GAK: variants seen among roughly 807,000 people sequenced by gnomAD.
GAK encodes the protein cyclin-G-associated kinase.
In GAK, 79 loss-of-function variants were observed where a neutral mutation model predicts 143.9. That is an observed-to-expected ratio of 0.55 (90% CI 0.46 to 0.66). The LOEUF is 0.66. Ranked by LOEUF, GAK falls within the 30% of genes least tolerant of loss-of-function variation. The pLI, the probability that GAK is intolerant of heterozygous loss-of-function variation, is 0.00. For missense variants in GAK, 1,693 were observed against 1,779.7 expected, an observed-to-expected ratio of 0.95 and a Z score of 0.88; for synonymous variants, 881 against 765.5, an observed-to-expected ratio of 1.15 and a Z score of -2.49.
chr4:888,112 A>C (rs1293080291), intron 11 of GAK: 1 of 152,296 alleles, frequency 6.6e-6, no homozygotes, highest in African/African-American at 2.4e-5. Flanking sequence ...AGGTGTCGCC[A>C]GCTGTGGAAG....
chr4:858,188 C>T (rs567583969), intron 24 of GAK, among the ~76,000 whole-genome samples: 3 of 152,344 alleles, frequency 2.0e-5, no homozygotes, highest in Admixed American at 6.5e-5. Flanking sequence ...GCGCCTCTGC[C>T]CTTCTACATC....
chr4:920,539 A>ATTTTTTTTTTT lies in GAK; in HGVS notation c.146-6882_146-6872dup, dbSNP rs34176109. On this transcript the variant is annotated intron_variant, in intron 1 of 27. Coordinates refer to ENST00000314167, the MANE Select transcript of GAK (RefSeq NM_005255.4). ...AAAATTGTGAAAAAGGTTTAGAGCC[A>ATTTTTTTTTTT]TTTTTTTTTTTTTTTTTTTTTTGAG... Among the ~76,000 whole-genome samples the ATTTTTTTTTTT allele has an allele frequency of 1.5e-4, 19 of 129,588 alleles. 1 individual carries two copies. The highest frequency in any genetic ancestry group is 3.0e-4 in the African/African-American group (10 of 33,282). The allele number at this position is 129,588 out of a possible 152,430, so 85.0% of individuals were successfully genotyped here.
At chr4:909,667 G>A (rs1241622989) in intron 4 of GAK, among the ~76,000 whole-genome samples, 8 of 152,216 alleles carry the variant, frequency 5.3e-5, no homozygotes, top group African/African-American at 1.2e-4. Flanking sequence ...ATAGAGTTAT[G>A]AGGCTTTCTG....
chr4:883,476 G>A lies in GAK; in HGVS notation c.1256-13C>T. On this transcript the variant is annotated splice_polypyrimidine_tract_variant and intron_variant, in intron 12 of 27. Coordinates refer to ENST00000314167, the MANE Select transcript of GAK (RefSeq NM_005255.4). ...GGGAATGACATCACTGAAACAAGCA[G>A]ACCTGCGTCAGCACCTGGGAGATGC... is the stretch of plus-strand genomic sequence containing the variant. 6.2e-7 allele frequency: 1 copy of A among 1,612,836 alleles called. No homozygotes were observed. Among genetic ancestry groups the A allele is most frequent in the Non-Finnish European group, 8.5e-7 (1 of 1,179,848 alleles).
rs540977696 is a variant in GAK, at chr4:865,255, G to A, written c.3044-11C>T. On this transcript the variant is annotated splice_polypyrimidine_tract_variant and intron_variant, in intron 22 of 27. Coordinates refer to ENST00000314167, the MANE Select transcript of GAK (RefSeq NM_005255.4). ...CTCCTGGCAGATCCCCTGGGAAGAA[G>A]GAACCAGAAGAGAGCACAGTTTGGT... is the stretch of plus-strand genomic sequence containing the variant. 5.6e-6 allele frequency: 9 copies of A among 1,613,056 alleles called. No individual in the cohort carries two copies. The African/African-American group carries it at 1.1e-4, about 19-fold the overall frequency.
In GAK at chr4:930,454, C is replaced by T. The variant is rs138086621; in HGVS notation, c.145+1589G>A. On this transcript the variant is annotated intron_variant, in intron 1 of 27. Transcript: ENST00000314167. ...CTTTCTTTATACGAATCTTCCTCTC[C>T]GGGCCCCAGTGAGGGTGCATTCTCC... Among the ~76,000 whole-genome samples the T allele has an allele frequency of 3.7e-3, 566 of 151,210 alleles. 3 individuals carry two copies. Among genetic ancestry groups the T allele is most frequent in the Non-Finnish European group, 6.8e-3 (460 of 67,808 alleles).
At chr4:850,117 C>A (rs1747854500) in intron 26 of GAK, 49 bp from the exon 27 acceptor site, 1 of 1,492,842 alleles carries the variant, frequency 6.7e-7, no homozygotes, top group Non-Finnish European at 9.0e-7. Flanking sequence ...GCCTGCCCTC[C>A]TCCTCTGCAC....
Position 887,530 on chromosome 4 carries a change from CGT to C in GAK, c.1205+1315_1205+1316del, listed in dbSNP as rs1410962510. The C allele has an allele frequency of 5.3e-5, 8 of 150,356 alleles. No homozygotes were observed. In the South Asian group the frequency reaches 8.4e-4, roughly 16 times the overall value. 9.3% of individuals were successfully genotyped at this position (150,356 alleles called of 1,614,324 possible). On this transcript the variant is annotated intron_variant, in intron 11 of 27. Coordinates refer to ENST00000314167, the MANE Select transcript of GAK (RefSeq NM_005255.4). ...CATGTGGCTCACACACACTTGCATG[CGT>C]GTGTACACATGCACGCAGCTCACGC...
chr4:904,800 C>T (rs1463673109), intron 4 of GAK, 21 bp from the exon 5 acceptor site: 2 of 1,611,586 alleles, frequency 1.2e-6, no homozygotes, highest in Admixed American at 3.4e-5. Flanking sequence ...ATGAAACTCA[C>T]ATGGAGGCAG....
At chr4:856,612 C>T (rs1485156660) in intron 24 of GAK, among the ~76,000 whole-genome samples, 1 of 151,088 alleles carries the variant, frequency 6.6e-6, no homozygotes, top group Non-Finnish European at 1.5e-5. Flanking sequence ...CTGCTCACCA[C>T]AGGTGCTCAC....
chr4:882,624 G>C (rs1373315381), intron 14 of GAK, 73 bp downstream of exon 14: 12 of 1,564,518 alleles, frequency 7.7e-6, no homozygotes, highest in Admixed American at 1.7e-5. Flanking sequence ...CTGGCGCTCA[G>C]ATCCTGTTGA....
chr4:862,408 C>A (rs1260964882), intron 23 of GAK, among the ~76,000 whole-genome samples: 1 of 152,228 alleles, frequency 6.6e-6, no homozygotes, highest in Non-Finnish European at 1.5e-5. Flanking sequence ...CGCCTGTAAT[C>A]CCAGCACTTT....
chr4:889,709 C>T (rs901935380), intron 10 of GAK, among the ~76,000 whole-genome samples: 4 of 152,330 alleles, frequency 2.6e-5, no homozygotes, highest in East Asian at 1.9e-4. Context: ...AGTGGGGATG[C>T]GGGGCGAGGT....
rs1430844353 is a variant in GAK, at chr4:868,824, A to G, written c.2249-139T>C. ...GCCATCGGTAAAGCAGACCAATGAC[A>G]TGACGGGGAGGGGCTCTCTGAACAG... On this transcript the variant is annotated intron_variant, in intron 19 of 27. Coordinates refer to ENST00000314167, the MANE Select transcript of GAK (RefSeq NM_005255.4). The G allele has an allele frequency of 2.9e-5, 24 of 815,084 alleles. No individual in the cohort carries two copies. The East Asian group carries it at 5.1e-4, about 17-fold the overall frequency. The allele number at this position is 815,084 out of a possible 1,614,324, so 50.5% of individuals were successfully genotyped here.
intron 4 of GAK, 125 bp from the exon 5 acceptor site, chr4:904,904 G>T (rs1202035020): frequency 2.9e-5 from 26 of 888,528 alleles, no homozygotes; most frequent in East Asian, 5.7e-5. Context: ...CCACACCTAA[G>T]TAACAAAACG....
At chr4:901,751 C>T (rs1187079211) in intron 5 of GAK, among the ~76,000 whole-genome samples, 1 of 152,234 alleles carries the variant, frequency 6.6e-6, no homozygotes, top group Non-Finnish European at 1.5e-5. Flanking sequence ...GTCCCCTTGG[C>T]CTGGGCAGTG....
At chr4:921,208 TTCTCCTGCCTCAG>T (rs879291952) in intron 1 of GAK, among the ~76,000 whole-genome samples, 1 of 152,194 alleles carries the variant, frequency 6.6e-6, no homozygotes, top group Admixed American at 6.5e-5. Flanking sequence ...GTTCAAGCGA[TTCTCCTGCCTCAG>T]TCTCCCCAGT....
intron 4 of GAK, among the ~76,000 whole-genome samples, chr4:907,890 T>G (rs1446690592): frequency 6.6e-6 from 1 of 152,154 alleles, no homozygotes; most frequent in Non-Finnish European, 1.5e-5. Flanking sequence ...CATGCGTTAG[T>G]CTGCCTCGTG....
intron 1 of GAK, among the ~76,000 whole-genome samples, chr4:931,813 C>T (rs1160975082): frequency 6.6e-6 from 1 of 152,158 alleles, no homozygotes; most frequent in African/African-American, 2.4e-5. Context: ...CCAGCCTCGC[C>T]CTCCGCAATC....
Sources: allele counts gnomAD v4.1 joint callset (sites outside exome capture counted in the v4.1 genomes callset), GRCh38; gene constraint gnomAD v4.1.1; transcripts MANE v1.5; gene names NCBI Gene and HGNC (gene_info 2026-07-23, HGNC 2026-07-21).